UMAD1: variants seen among roughly 807,000 people sequenced by gnomAD.
UMAD1 encodes UBAP1-MVB12-associated (UMA) domain containing 1.
A neutral mutation model predicts 6.1 loss-of-function variants in UMAD1; 8 were observed. That is an observed-to-expected ratio of 1.30 (90% CI 0.76 to 2.35). The LOEUF is 2.35. UMAD1 is among the 30% of genes most tolerant of loss of function. The pLI is 0.00. For missense variants in UMAD1, 130 were observed against 78.4 expected, an observed-to-expected ratio of 1.66 and a Z score of -2.49; for synonymous variants, 56 against 31.4, an observed-to-expected ratio of 1.78 and a Z score of -2.61.
At chr7:7,649,426 A>G (rs994511256) in intron 1 of UMAD1, among the ~76,000 whole-genome samples, 21 of 152,182 alleles carry the variant, frequency 1.4e-4, no homozygotes, top group African/African-American at 4.8e-4. Context: ...GAGCTCTCAT[A>G]ACCTGGTTAC....
chr7:7,668,506 A>G lies in UMAD1; in HGVS notation c.-63-4803A>G, dbSNP rs1029713849. ...GCTAATCTCTTAGTGTGCCTAATTT[A>G]TAAATTAAACTTTATCATAGATGTG... On this transcript the variant is annotated intron_variant, in intron 1 of 3. Transcript: ENST00000682710. 2.0e-5 allele frequency among the ~76,000 whole-genome samples: 3 copies of G among 152,308 alleles called. No individual in the cohort carries two copies. The East Asian group carries it at 5.8e-4, about 29-fold the overall frequency.
intron 2 of UMAD1, chr7:7,742,354 G>C: frequency 1.7e-6 from 1 of 603,864 alleles, no homozygotes; most frequent in Non-Finnish European, 3.2e-6. Flanking sequence ...TTCTCCTGGG[G>C]GCGCTCTTCC....
At position 7,839,441 on chromosome 7, in the gene UMAD1, C is replaced by T. The variant is rs1201345528; in HGVS notation, c.156+37698C>T. Among the ~76,000 whole-genome samples the T allele has an allele frequency of 2.0e-5, 3 of 152,286 alleles. No individual in the cohort carries two copies. The East Asian group carries it at 5.8e-4, about 29-fold the overall frequency. ...TGTTGCCCAGACGGATCTTGAACTC[C>T]GGGGCTCAAGCCCTTCTCTTGCCTC... On this transcript the variant is annotated intron_variant, in intron 3 of 3. Transcript: ENST00000682710.
rs1563112315 is a variant in UMAD1, at chr7:7,677,656, G to GTTTTTTTGT, written c.82+4211_82+4219dup. On this transcript the variant is annotated intron_variant, in intron 2 of 3. Coordinates refer to ENST00000682710, the MANE Select transcript of UMAD1 (RefSeq NM_001302348.2). ...CCACATTTTCTTTATCTATTCATCT[G>GTTTTTTTGT]TTTTTTTGTTTTTTTTTTTTTTTTT... 8.0e-4 allele frequency among the ~76,000 whole-genome samples: 33 copies of GTTTTTTTGT among 41,434 alleles called. 9 individuals carry two copies. The highest frequency in any genetic ancestry group is 1.1e-3 in the Non-Finnish European group (18 of 16,504). The allele number at this position is 41,434 out of a possible 152,430, so 27.2% of individuals were successfully genotyped here.
intron 3 of UMAD1, among the ~76,000 whole-genome samples, chr7:7,802,901 G>A (rs890976472): frequency 5.3e-5 from 8 of 151,966 alleles, no homozygotes; most frequent in Admixed American, 4.6e-4. Flanking sequence ...ATTTTTCACC[G>A]TGAACAAATA....
chr7:7,761,177 C>T (rs1256432373), intron 2 of UMAD1, among the ~76,000 whole-genome samples: 1 of 152,004 alleles, frequency 6.6e-6, no homozygotes, highest in South Asian at 2.1e-4. Flanking sequence ...TCAGCTCAGA[C>T]AACACGGTAA....
chr7:7,691,955 A>G (rs553358333), intron 2 of UMAD1, among the ~76,000 whole-genome samples: 6 of 152,182 alleles, frequency 3.9e-5, no homozygotes, highest in Admixed American at 3.9e-4. Context: ...AAATTTTATA[A>G]CTGTTCCAAA....
At chr7:7,704,766 C>CAAAAAAAAAAAAAAAAAAAAA in intron 2 of UMAD1, among the ~76,000 whole-genome samples, 1 of 17,826 alleles carries the variant, frequency 5.6e-5, no homozygotes, top group Non-Finnish European at 1.0e-4. Flanking sequence ...GACTCCATCT[C>CAAAAAAAAAAAAAAAAAAAAA]AAAAAAAAAA....
chr7:7,682,130 G>A (rs1779928455), intron 2 of UMAD1, among the ~76,000 whole-genome samples: 1 of 152,100 alleles, frequency 6.6e-6, no homozygotes, highest in Non-Finnish European at 1.5e-5. Flanking sequence ...AATGCATCAT[G>A]GTTTTCAGAA....
chr7:7,799,742 T>A (rs1014208685), intron 2 of UMAD1, among the ~76,000 whole-genome samples: 9 of 152,232 alleles, frequency 5.9e-5, no homozygotes, highest in Non-Finnish European at 1.3e-4. Flanking sequence ...AAACTCCTCA[T>A]GCATTGGTTT....
chr7:7,702,006 G>A (rs964902960), intron 2 of UMAD1, among the ~76,000 whole-genome samples: 1 of 152,140 alleles, frequency 6.6e-6, no homozygotes, highest in Non-Finnish European at 1.5e-5. Flanking sequence ...TTTGTAAAAA[G>A]TAGAACTGAA....
At chr7:7,649,019 A>T (rs1043635823) in intron 1 of UMAD1, among the ~76,000 whole-genome samples, 5 of 151,940 alleles carry the variant, frequency 3.3e-5, no homozygotes, top group African/African-American at 9.7e-5. Context: ...TTAGCCAGGC[A>T]TGGTGGCGGA....
intron 2 of UMAD1, among the ~76,000 whole-genome samples, chr7:7,715,711 T>G (rs1476863758): frequency 2.0e-5 from 3 of 152,206 alleles, no homozygotes; most frequent in Non-Finnish European, 4.4e-5. Context: ...TTGAATGTAA[T>G]ATCCTTCCTG....
intron 2 of UMAD1, among the ~76,000 whole-genome samples, chr7:7,710,237 A>C (rs1463447552): frequency 6.6e-6 from 1 of 152,148 alleles, no homozygotes; most frequent in Non-Finnish European, 1.5e-5. Flanking sequence ...CAGTGCTGTT[A>C]CTGAACATTA....
At chr7:7,741,360 A>G (rs886828261) in intron 2 of UMAD1, among the ~76,000 whole-genome samples, 6 of 151,908 alleles carry the variant, frequency 3.9e-5, no homozygotes, top group Non-Finnish European at 8.8e-5. Flanking sequence ...TCACGAGGTC[A>G]GGAGATCCAG....
intron 2 of UMAD1, among the ~76,000 whole-genome samples, chr7:7,771,501 T>C (rs1213443704): frequency 2.0e-5 from 3 of 152,184 alleles, no homozygotes; most frequent in Non-Finnish European, 4.4e-5. Flanking sequence ...AGAATAATCA[T>C]TGGCTGCTAG....
intron 3 of UMAD1, among the ~76,000 whole-genome samples, chr7:7,803,076 G>T (rs908824676): frequency 6.6e-6 from 1 of 152,212 alleles, no homozygotes. Context: ...CCGTACTCAA[G>T]ATACTGTGCA....
intron 3 of UMAD1, among the ~76,000 whole-genome samples, chr7:7,865,080 A>G (rs1032120036): frequency 1.3e-5 from 2 of 152,146 alleles, no homozygotes; most frequent in African/African-American, 2.4e-5. Context: ...TCATGAGGGT[A>G]TCCTCTGTAA....
intron 3 of UMAD1, among the ~76,000 whole-genome samples, chr7:7,872,500 A>T (rs766256722): frequency 1.3e-5 from 2 of 152,224 alleles, no homozygotes; most frequent in Non-Finnish European, 2.9e-5. Flanking sequence ...CAATAATAGC[A>T]TCAAAGATCA....
Sources: allele counts gnomAD v4.1 joint callset (sites outside exome capture counted in the v4.1 genomes callset), GRCh38; gene constraint gnomAD v4.1.1; transcripts MANE v1.5; gene names NCBI Gene and HGNC (gene_info 2026-07-23, HGNC 2026-07-21).